Variants in KIF1B observed in about 807,000 individuals in gnomAD.
KIF1B encodes kinesin-like protein KIF1B.
In KIF1B, 76 loss-of-function variants were observed where a neutral mutation model predicts 241.9. That is an observed-to-expected ratio of 0.31 (90% CI 0.26 to 0.38). KIF1B has a LOEUF of 0.38. Ranked by LOEUF, KIF1B falls within the 10% of genes least tolerant of loss-of-function variation. The pLI, the probability that KIF1B is intolerant of heterozygous loss-of-function variation, is 1.00. For synonymous variants in KIF1B, 750 were observed against 796.7 expected (o/e 0.94, Z 0.99); for missense variants, 1,622 against 2,271.4 (o/e 0.71, Z 5.81).
chr1:10,293,054 T>C (rs10492972), intron 17 of KIF1B, among the ~76,000 whole-genome samples: 48,141 of 151,186 alleles, frequency 0.32, 7,768 homozygotes, highest in Middle Eastern at 0.37. Flanking sequence ...CTACAATTCT[T>C]CTGGTCAGGT....
In KIF1B at chr1:10,303,131, T is replaced by G; in HGVS notation, c.2115+5885T>G. 6.3e-7 allele frequency: 1 copy of G among 1,599,326 alleles called. No homozygotes were observed. The highest frequency in any genetic ancestry group is 8.5e-7 in the Non-Finnish European group (1 of 1,175,092). On this transcript the variant is annotated intron_variant, in intron 22 of 48. Transcript: ENST00000676179. This position sits in a 1 kb window ranked among gnomAD's most constrained non-coding sequence, Gnocchi z 5.2. ...TTTTACATTTTAATTTTGGTTATTT[T>G]GGGGCCATTTTTTGATTTTGTTTTT...
intron 10 of KIF1B, 100 bp downstream of exon 10, chr1:10,273,131 A>G: frequency 1.2e-6 from 1 of 842,780 alleles, no homozygotes; most frequent in Non-Finnish European, 1.9e-6. Flanking sequence ...ACCTTCAAAA[A>G]TCTTTTCATC....
Position 10,341,975 on chromosome 1 carries a change from A to G in KIF1B, c.3514-75A>G, listed in dbSNP as rs565467033. On this transcript the variant is annotated intron_variant, in intron 32 of 48. Coordinates refer to ENST00000676179, the MANE Select transcript of KIF1B (RefSeq NM_001365951.3). ...TCAAAAAAAAAAAAAAAAACCCAAA[A>G]TACGTACTAAAGTTCTGATTGAAGC... The G allele has an allele frequency of 5.5e-5, 57 of 1,027,944 alleles. 2 individuals are homozygous for G. In the South Asian group the frequency reaches 7.5e-4, roughly 14 times the overall value. 63.7% of individuals were successfully genotyped at this position (1,027,944 alleles called of 1,614,324 possible). A position where few individuals can be genotyped will look rare whatever the true frequency, so the allele number is the denominator to read the frequency against.
intron 17 of KIF1B, 76 bp downstream of exon 17, chr1:10,292,198 C>A: frequency 9.7e-7 from 1 of 1,029,428 alleles, no homozygotes; most frequent in South Asian, 1.3e-5. Flanking sequence ...CACTTCATGT[C>A]TTTCAGGACC....
rs550014526 is a variant in KIF1B at position 10,380,574 on chromosome 1, C to T, written c.*3987C>T. On this transcript the variant is annotated 3_prime_UTR_variant, in exon 49 of 49. Transcript: ENST00000676179. The stretch of plus-strand genomic sequence containing the variant: ...TACAAAAAGTAGCCAGGCGTGGTGG[C>T]GTGTGCCTGTAGTCCCAGCTACTTG... The T allele has an allele frequency of 3.2e-4, 59 of 182,714 alleles. No individual in the cohort carries two copies. Among genetic ancestry groups the T allele is most frequent in the African/African-American group, 1.2e-3 (52 of 42,622 alleles). The allele number at this position is 182,714 out of a possible 1,614,324, so 11.3% of individuals were successfully genotyped here.
chr1:10,287,978 T>C (rs1254665708), intron 15 of KIF1B, among the ~76,000 whole-genome samples: 1 of 152,206 alleles, frequency 6.6e-6, no homozygotes, highest in East Asian at 1.9e-4. Context: ...CATCCTGTTG[T>C]CCTGTCTGTT....
At chr1:10,347,738 TC>T (rs1387621007) in intron 35 of KIF1B, 22 bp from the exon 36 acceptor site, 1 of 1,608,080 alleles carries the variant, frequency 6.2e-7, no homozygotes, top group African/African-American at 1.3e-5. Flanking sequence ...CTTAGTTTTT[TC>T]TTTTGCGTTT....
intron 14 of KIF1B, among the ~76,000 whole-genome samples, chr1:10,280,493 C>G (rs1452439451): frequency 6.6e-6 from 1 of 152,140 alleles, no homozygotes; most frequent in Non-Finnish European, 1.5e-5. Context: ...CTTGGCCTCC[C>G]AAAGTGCTGG....
At chr1:10,352,599 C>T in intron 37 of KIF1B, 32 bp from the exon 38 acceptor site, 1 of 1,545,790 alleles carries the variant, frequency 6.5e-7, no homozygotes, top group Non-Finnish European at 8.9e-7. Context: ...TCAAATGTGT[C>T]CGTGCTCTGT....
chr1:10,344,178 T>G (rs1218026262), intron 34 of KIF1B, among the ~76,000 whole-genome samples: 1 of 152,220 alleles, frequency 6.6e-6, no homozygotes, highest in Non-Finnish European at 1.5e-5. Flanking sequence ...AGCACGCCAG[T>G]GTGCTTGCAT....
intron 1 of KIF1B, among the ~76,000 whole-genome samples, chr1:10,222,359 G>A (rs1646856545): frequency 6.6e-6 from 1 of 152,162 alleles, no homozygotes; most frequent in Non-Finnish European, 1.5e-5. Flanking sequence ...GGCAAGGAAA[G>A]CTGAGACAGG....
At chr1:10,342,865 G>C (rs1652452580) in intron 33 of KIF1B, among the ~76,000 whole-genome samples, 1 of 152,160 alleles carries the variant, frequency 6.6e-6, no homozygotes, top group South Asian at 2.1e-4. Context: ...AAGAGAATTA[G>C]AAAGCGATGG....
chr1:10,313,771 T>C (rs140563213), intron 22 of KIF1B, among the ~76,000 whole-genome samples: 5,320 of 150,870 alleles, frequency 0.035, 170 homozygotes, highest in Non-Finnish European at 0.041. Context: ...AGGATGGTCT[T>C]GATCTCCTGA....
chr1:10,226,780 A>G (rs1646913494), intron 1 of KIF1B, among the ~76,000 whole-genome samples: 1 of 152,090 alleles, frequency 6.6e-6, no homozygotes, highest in African/African-American at 2.4e-5. Context: ...CAGCCTGGGC[A>G]ACATAGCGAA....
intron 32 of KIF1B, among the ~76,000 whole-genome samples, chr1:10,341,571 G>A (rs1122113): frequency 1.3e-5 from 2 of 152,258 alleles, no homozygotes; most frequent in African/African-American, 4.8e-5. Flanking sequence ...AATACCTGAA[G>A]CTGGGAAAAG....
At chr1:10,231,629 C>T (rs533032291) in intron 1 of KIF1B, among the ~76,000 whole-genome samples, 2 of 151,910 alleles carry the variant, frequency 1.3e-5, no homozygotes, top group South Asian at 2.1e-4. Context: ...TCAAGTGATC[C>T]GCCCAACTTG....
chr1:10,270,259 C>T lies in KIF1B; in HGVS notation c.721-1243C>T, dbSNP rs12030303. 1.1e-4 allele frequency among the ~76,000 whole-genome samples: 17 copies of T among 152,260 alleles called. No homozygotes were observed. In the East Asian group the frequency reaches 3.3e-3, roughly 29 times the overall value. Reference sequence around the variant, plus strand: ...CTATCCCTTCTTCTGTGGCAATTCCCGGGCAATTCCGGACCTGCCCTTTTG... The same window carrying T: ...CTATCCCTTCTTCTGTGGCAATTCCTGGGCAATTCCGGACCTGCCCTTTTG... On this transcript the variant is annotated intron_variant, in intron 7 of 48. Coordinates refer to ENST00000676179, the MANE Select transcript of KIF1B (RefSeq NM_001365951.3).
At chr1:10,354,814 T>C (rs1652918646) in intron 38 of KIF1B, among the ~76,000 whole-genome samples, 1 of 152,216 alleles carries the variant, frequency 6.6e-6, no homozygotes, top group Admixed American at 6.5e-5. Context: ...TTTAGGGATA[T>C]GGAAAACATA....
At chr1:10,341,514 G>A (rs1652390067) in intron 32 of KIF1B, among the ~76,000 whole-genome samples, 1 of 152,162 alleles carries the variant, frequency 6.6e-6, no homozygotes, top group African/African-American at 2.4e-5. Flanking sequence ...AGTGTGGGAA[G>A]GACAACAGGG....
Sources: allele counts gnomAD v4.1 joint callset (sites outside exome capture counted in the v4.1 genomes callset), GRCh38; gene constraint gnomAD v4.1.1; non-coding constraint Gnocchi (gnomAD v3.1); transcripts MANE v1.5; gene names NCBI Gene and HGNC (gene_info 2026-07-23, HGNC 2026-07-21).